The following TRAP1 variants were observed in gnomAD, a reference collection of about 807,000 sequenced individuals.
The protein encoded by TRAP1 is TNF receptor associated protein 1, also known as heat shock protein 75 kDa, mitochondrial.
A neutral mutation model predicts 89.1 loss-of-function variants in TRAP1; 102 were observed. The observed-to-expected ratio is 1.15, with a 90% CI of 0.98 to 1.35. TRAP1 has a LOEUF of 1.35. Among genes scored for constraint, TRAP1 ranks in the 40% most tolerant of loss-of-function variants. The pLI, the probability that TRAP1 is intolerant of heterozygous loss-of-function variation, is 0.00. For synonymous variants in TRAP1, 508 were observed against 388.0 expected (o/e 1.31, Z -3.64); for missense variants, 1,256 against 945.3 (o/e 1.33, Z -4.31).
intron 1 of TRAP1, among the ~76,000 whole-genome samples, chr16:3,706,043 A>C (rs1275955303): frequency 6.9e-6 from 1 of 145,568 alleles, no homozygotes; most frequent in Non-Finnish European, 1.5e-5. Flanking sequence ...GCAGTGGTGT[A>C]ATCTCCGCTC....
At chr16:3,702,245 G>T (rs2051376093) in intron 1 of TRAP1, among the ~76,000 whole-genome samples, 1 of 151,686 alleles carries the variant, frequency 6.6e-6, no homozygotes, top group Admixed American at 6.6e-5. Context: ...GGCCTCTTAG[G>T]AGCCAAGGCC....
At chr16:3,690,028 G>C (rs931639705) in intron 2 of TRAP1, among the ~76,000 whole-genome samples, 7 of 151,672 alleles carry the variant, frequency 4.6e-5, no homozygotes, top group African/African-American at 1.7e-4. Context: ...TTTTTTTAGA[G>C]GCAGGATCTG....
intron 4 of TRAP1, among the ~76,000 whole-genome samples, chr16:3,681,921 G>A (rs1009108148): frequency 2.8e-4 from 42 of 152,148 alleles, no homozygotes; most frequent in African/African-American, 9.2e-4. Flanking sequence ...TTTGAAGAAC[G>A]AAGTTGGAGA....
rs776157831 is a variant in TRAP1 at position 3,671,809 on chromosome 16, C to G, written c.1166-18G>C. The stretch of plus-strand genomic sequence containing the variant: ...CACCACACCTGGGAGACACGGCAGT[C>G]AGCTTCTCCCGGGGCTGCGGCCCTC... On this transcript the variant is annotated intron_variant, in intron 10 of 17. Transcript: ENST00000246957. The G allele has an allele frequency of 6.2e-7, 1 of 1,611,460 alleles. No individual in the cohort carries two copies. The highest frequency in any genetic ancestry group is 8.5e-7 in the Non-Finnish European group (1 of 1,179,834).
chr16:3,660,092 C>T (rs1016824228), intron 16 of TRAP1: 3 of 152,218 alleles, frequency 2.0e-5, no homozygotes, highest in African/African-American at 7.2e-5. Context: ...AAAAAAAGGA[C>T]ATTCTTAATA....
intron 10 of TRAP1, among the ~76,000 whole-genome samples, chr16:3,672,496 T>C (rs994781563): frequency 2.6e-5 from 4 of 152,140 alleles, no homozygotes; most frequent in Non-Finnish European, 5.9e-5. Context: ...AACACCCCAG[T>C]GCTCCCCCCA....
At chr16:3,685,109 A>G (rs981657582) in intron 4 of TRAP1, among the ~76,000 whole-genome samples, 1 of 152,204 alleles carries the variant, frequency 6.6e-6, no homozygotes, top group African/African-American at 2.4e-5. Flanking sequence ...CTCTGTGCTG[A>G]AAACAGGAGG....
intron 1 of TRAP1, among the ~76,000 whole-genome samples, chr16:3,693,957 C>G (rs2051251643): frequency 6.6e-6 from 1 of 151,052 alleles, no homozygotes; most frequent in East Asian, 2.0e-4. Flanking sequence ...CACACTACCG[C>G]ACTTCTGCAC....
chr16:3,668,357 G>T (rs953212539), intron 11 of TRAP1, among the ~76,000 whole-genome samples: 1 of 152,136 alleles, frequency 6.6e-6, no homozygotes, highest in Non-Finnish European at 1.5e-5. Context: ...ACCGCGCCCG[G>T]CCAACACATA....
rs563631669 is a variant in TRAP1 at position 3,685,739 on chromosome 16, T to C, written c.471+257A>G. Among the ~76,000 whole-genome samples, 10 of 152,356 alleles carry C rather than the reference T, an allele frequency of 6.6e-5. No homozygotes were observed. The East Asian group carries it at 1.7e-3, about 26-fold the overall frequency. The stretch of plus-strand genomic sequence containing the variant: ...TACCTGCATATACCAAAACCCTGTG[T>C]GGCCATATGCTAAGATGTTACCAGT... On this transcript the variant is annotated intron_variant, in intron 4 of 17. Coordinates refer to ENST00000246957, the MANE Select transcript of TRAP1 (RefSeq NM_016292.3).
intron 16 of TRAP1, 176 bp downstream of exon 16, chr16:3,661,811 G>T: frequency 2.7e-6 from 2 of 748,118 alleles, no homozygotes; most frequent in Non-Finnish European, 3.9e-6. Flanking sequence ...GTAAGGGGCT[G>T]GCCAGGTTCC....
rs2042830652 is a variant in TRAP1 at position 3,658,207 on chromosome 16, A to G, written c.2037T>C (p.Ala679=). 1.9e-6 allele frequency: 3 copies of G among 1,613,972 alleles called. No homozygotes were observed. Among genetic ancestry groups the G allele is most frequent in the East Asian group, 2.2e-5 (1 of 44,862 alleles). The stretch of plus-strand genomic sequence containing the variant: ...CCCTAGGGTCGTCAACAAGTCCAGC[A>G]GCAATCATGGCGTTCTCGTATATCT... ...VDQIYENAMI[A]AGLVDDPRAM... The change falls in exon 18 of 18, where the codon GCT becomes GCC. Residue 679 remains alanine, a synonymous_variant. Coordinates refer to ENST00000246957, the MANE Select transcript of TRAP1 (RefSeq NM_016292.3).
intron 2 of TRAP1, 84 bp from the exon 3 acceptor site, chr16:3,689,221 CTTAAGT>C (rs898669399): frequency 8.6e-6 from 9 of 1,046,514 alleles, no homozygotes; most frequent in African/African-American, 6.7e-5. Flanking sequence ...CCAAAGAAAG[CTTAAGT>C]TTATGAGTTT....
chr16:3,709,390 G>C (rs1486098350), intron 1 of TRAP1, among the ~76,000 whole-genome samples: 1 of 152,136 alleles, frequency 6.6e-6, no homozygotes, highest in Non-Finnish European at 1.5e-5. Flanking sequence ...TTCACTACCA[G>C]ATTGACAGAT....
chr16:3,667,165 G>C (rs572201174), intron 11 of TRAP1, among the ~76,000 whole-genome samples: 35 of 152,258 alleles, frequency 2.3e-4, no homozygotes, highest in African/African-American at 8.4e-4. Context: ...CCTGGTATGG[G>C]TGTCAGAGCC....
chr16:3,698,329 T>A (rs1271166884), intron 1 of TRAP1, among the ~76,000 whole-genome samples: 2 of 151,824 alleles, frequency 1.3e-5, no homozygotes, highest in Non-Finnish European at 2.9e-5. Flanking sequence ...TTTTTTTTTT[T>A]TTTTTAGAGT....
chr16:3,686,431 C>A (rs1298855944), intron 3 of TRAP1, among the ~76,000 whole-genome samples: 1 of 152,052 alleles, frequency 6.6e-6, no homozygotes, highest in African/African-American at 2.4e-5. Context: ...AATCCTCCCA[C>A]CTCAGCCTCC....
chr16:3,665,663 A>C (rs1199733746), intron 12 of TRAP1, among the ~76,000 whole-genome samples: 2 of 152,118 alleles, frequency 1.3e-5, no homozygotes, highest in African/African-American at 4.8e-5. Context: ...CCAGCCCCCA[A>C]CATCCTCTGA....
intron 4 of TRAP1, chr16:3,680,010 A>T: frequency 3.9e-6 from 2 of 510,132 alleles, no homozygotes; most frequent in South Asian, 4.5e-5. Flanking sequence ...CAGGCGGATC[A>T]CTTGAGGCCA....
Sources: gnomAD v4.1 joint callset for allele counts (sites outside exome capture counted in the v4.1 genomes callset) on GRCh38, gnomAD v4.1.1 for gene constraint, MANE v1.5 for transcripts, NCBI Gene and HGNC (gene_info 2026-07-23, HGNC 2026-07-21) for gene names.